The following FOXO1 variants were observed in gnomAD, a reference collection of about 807,000 sequenced individuals.
FOXO1 encodes forkhead box O1, also known as forkhead box protein O1.
Under a neutral mutation model 44.1 loss-of-function variants are expected in FOXO1, and 6 were observed. The observed-to-expected ratio is 0.14, with a 90% CI of 0.07 to 0.27. FOXO1 has a LOEUF of 0.27. Among genes scored for constraint, FOXO1 ranks in the 10% least tolerant of loss-of-function variants. FOXO1 has a pLI of 1.00. For missense variants in FOXO1, 737 were observed against 888.8 expected, an observed-to-expected ratio of 0.83 and a Z score of 2.17; for synonymous variants, 380 against 362.7, an observed-to-expected ratio of 1.05 and a Z score of -0.54.
chr13:40,617,183 C>T (rs887564185), intron 1 of FOXO1, among the ~76,000 whole-genome samples: 23 of 152,304 alleles, frequency 1.5e-4, no homozygotes, highest in African/African-American at 5.1e-4. Flanking sequence ...CAGTGGCTCA[C>T]GCCTGTAATC....
At chr13:40,634,592 T>A (rs1170362537) in intron 1 of FOXO1, among the ~76,000 whole-genome samples, 1 of 151,936 alleles carries the variant, frequency 6.6e-6, no homozygotes, top group Non-Finnish European at 1.5e-5. Flanking sequence ...TAGTGAGCCA[T>A]CATCATGCCA....
At chr13:40,576,123 T>A (rs1399337275) in intron 1 of FOXO1, among the ~76,000 whole-genome samples, 2 of 152,176 alleles carry the variant, frequency 1.3e-5, no homozygotes, top group Non-Finnish European at 2.9e-5. Context: ...CCGATAAATA[T>A]GAGCTATTAG....
intron 1 of FOXO1, among the ~76,000 whole-genome samples, chr13:40,579,348 T>G (rs1424613763): frequency 1.3e-5 from 2 of 152,092 alleles, no homozygotes; most frequent in Non-Finnish European, 2.9e-5. Flanking sequence ...GACCAGACAA[T>G]CCACGCCAGG....
At chr13:40,616,475 C>T (rs1876427622) in intron 1 of FOXO1, among the ~76,000 whole-genome samples, 1 of 152,130 alleles carries the variant, frequency 6.6e-6, no homozygotes, top group South Asian at 2.1e-4. Context: ...TGAGACGATG[C>T]TCATCTAATG....
chr13:40,657,138 A>G (rs1262078130), intron 1 of FOXO1, among the ~76,000 whole-genome samples: 2 of 152,182 alleles, frequency 1.3e-5, no homozygotes, highest in South Asian at 2.1e-4. Context: ...TCCCAAAAAT[A>G]TATCTTGAAA....
At chr13:40,638,219 T>C (rs1454654820) in intron 1 of FOXO1, among the ~76,000 whole-genome samples, 1 of 152,168 alleles carries the variant, frequency 6.6e-6, no homozygotes, top group Non-Finnish European at 1.5e-5. Context: ...GTGAACCAGA[T>C]CATTTAATTT....
At chr13:40,606,334 G>A (rs1218009846) in intron 1 of FOXO1, among the ~76,000 whole-genome samples, 1 of 151,920 alleles carries the variant, frequency 6.6e-6, no homozygotes, top group East Asian at 1.9e-4. Context: ...TTTAGAGATG[G>A]AGTCTCACTC....
intron 1 of FOXO1, among the ~76,000 whole-genome samples, chr13:40,655,882 C>T (rs1477224606): frequency 2.0e-5 from 3 of 152,032 alleles, no homozygotes; most frequent in Non-Finnish European, 2.9e-5. Context: ...AGTGATCTAC[C>T]CACCTCAACC....
At chr13:40,597,095 A>C (rs1027844150) in intron 1 of FOXO1, among the ~76,000 whole-genome samples, 1 of 152,258 alleles carries the variant, frequency 6.6e-6, no homozygotes, top group East Asian at 1.9e-4. Flanking sequence ...CTGTCAGTTT[A>C]GTATTGATCA....
intron 1 of FOXO1, among the ~76,000 whole-genome samples, chr13:40,581,228 A>T (rs912364217): frequency 5.9e-5 from 9 of 152,166 alleles, no homozygotes; most frequent in Admixed American, 2.0e-4. Flanking sequence ...TTGAAGGCAA[A>T]AAAGGGGAGC....
intron 1 of FOXO1, among the ~76,000 whole-genome samples, chr13:40,616,690 G>T (rs553502595): frequency 6.6e-6 from 1 of 152,188 alleles, no homozygotes; most frequent in Non-Finnish European, 1.5e-5. Context: ...AGAGGGAGAC[G>T]AAGTTGTGTT....
intron 1 of FOXO1, among the ~76,000 whole-genome samples, chr13:40,654,373 C>G (rs73469037): frequency 0.41 from 57,010 of 140,294 alleles, 13,033 homozygotes; most frequent in East Asian, 0.73. Flanking sequence ...GTGGTGGTGG[C>G]CGCCTGTAAT....
intron 1 of FOXO1, among the ~76,000 whole-genome samples, chr13:40,586,703 C>A (rs1875180015): frequency 6.6e-6 from 1 of 152,144 alleles, no homozygotes; most frequent in African/African-American, 2.4e-5. Flanking sequence ...AATGCTAAAC[C>A]TCTACAGGGT....
At position 40,593,846 on chromosome 13, in the gene FOXO1, T is replaced by C. The variant is rs144584708; in HGVS notation, c.631-32986A>G. Among the ~76,000 whole-genome samples the C allele has an allele frequency of 8.5e-4, 130 of 152,324 alleles. 3 individuals are homozygous for C. The East Asian group carries it at 0.02, about 23-fold the overall frequency. Reference sequence around the variant, plus strand: ...CATTGGCTTTCAAGTGCTCAACTTTTGGCTCTGAGATAATTTGCATTTAGT... The same window carrying C: ...CATTGGCTTTCAAGTGCTCAACTTTCGGCTCTGAGATAATTTGCATTTAGT... On this transcript the variant is annotated intron_variant, in intron 1 of 2. Transcript: ENST00000379561.
chr13:40,620,799 C>CTTT lies in FOXO1; in HGVS notation c.630+44781_630+44783dup, dbSNP rs111991105. Among the ~76,000 whole-genome samples the CTTT allele has an allele frequency of 5.7e-3, 689 of 121,220 alleles. 7 individuals carry two copies. The highest frequency in any genetic ancestry group is 0.029 in the Middle Eastern group (7 of 242). 79.5% of individuals were successfully genotyped at this position (121,220 alleles called of 152,430 possible). On this transcript the variant is annotated intron_variant, in intron 1 of 2. Coordinates refer to ENST00000379561, the MANE Select transcript of FOXO1 (RefSeq NM_002015.4). ...TGGAAAACTACTATTCTTCCCCTTGCTTTTTTTTTTTTTTTTTGAGATGGA... is the reference window on the plus strand; with the variant it reads ...TGGAAAACTACTATTCTTCCCCTTGCTTTTTTTTTTTTTTTTTTTTGAGATGGA...
In FOXO1 at chr13:40,619,448, G is replaced by A. The variant is rs999102677; in HGVS notation, c.630+46135C>T. 5.8e-6 allele frequency: 7 copies of A among 1,201,760 alleles called. 1 individual carries two copies. The highest frequency in any genetic ancestry group is 7.3e-6 in the Non-Finnish European group (6 of 816,500). The allele number at this position is 1,201,760 out of a possible 1,614,324, so 74.4% of individuals were successfully genotyped here. A position where few individuals can be genotyped will look rare whatever the true frequency, so the allele number is the denominator to read the frequency against. ...AGTGGACAAAATGGGAATCAAAATT[G>A]GAGAGCTGTGAGTCGAACAAACTCG... is the stretch of plus-strand genomic sequence containing the variant. On this transcript the variant is annotated intron_variant, in intron 1 of 2. Coordinates refer to ENST00000379561, the MANE Select transcript of FOXO1 (RefSeq NM_002015.4).
intron 1 of FOXO1, among the ~76,000 whole-genome samples, chr13:40,568,290 T>C (rs1293249957): frequency 6.6e-6 from 1 of 152,188 alleles, no homozygotes; most frequent in Admixed American, 6.5e-5. Context: ...CAAACTACAT[T>C]TTCCCAAAGC....
chr13:40,574,782 A>G (rs1340279194), intron 1 of FOXO1, among the ~76,000 whole-genome samples: 1 of 152,236 alleles, frequency 6.6e-6, no homozygotes. Flanking sequence ...TTGACTGAAC[A>G]AAGTGTAAAA....
Position 40,666,094 on chromosome 13 carries a change from G to C in FOXO1, c.119C>G (p.Ser40Cys). The C allele has an allele frequency of 7.2e-7, 1 of 1,390,820 alleles. No homozygotes were observed. 86.2% of individuals were successfully genotyped at this position (1,390,820 alleles called of 1,614,324 possible). The part of the protein sequence containing the change: ...PEFSQSNSAT[S>C]SPAPSGSAAA... ...CGCGCTGCCCGACGGCGCCGGGCTG[G>C]AGGTGGCCGAGTTGGACTGGCTAAA... is the stretch of plus-strand genomic sequence containing the variant. Residue 40 changes from serine (S) to cysteine (C), a missense_variant, in exon 1 of 3, where the codon TCC becomes TGC. Physicochemically the swap from Ser to Cys is moderately radical, Grantham distance 112. Coordinates refer to ENST00000379561, the MANE Select transcript of FOXO1 (RefSeq NM_002015.4).
Sources: allele counts gnomAD v4.1 joint callset (sites outside exome capture counted in the v4.1 genomes callset), GRCh38; gene constraint gnomAD v4.1.1; transcripts MANE v1.5; gene names NCBI Gene and HGNC (gene_info 2026-07-23, HGNC 2026-07-21).